CSNK1G1: variants seen among roughly 807,000 people sequenced by gnomAD.
CSNK1G1 encodes casein kinase 1 gamma 1, also known as casein kinase I isoform gamma-1.
A neutral mutation model predicts 59.6 loss-of-function variants in CSNK1G1; 22 were observed. The observed-to-expected ratio is 0.37, with a 90% CI of 0.26 to 0.53. The LOEUF (loss-of-function observed/expected upper bound fraction) is 0.53, where lower values mean the gene tolerates loss of function less well. Ranked by LOEUF, CSNK1G1 falls within the 20% of genes least tolerant of loss-of-function variation. CSNK1G1 has a pLI of 0.89. For synonymous variants in CSNK1G1, 179 were observed against 177.1 expected, an observed-to-expected ratio of 1.01 and a Z score of -0.08; for missense variants, 384 against 519.5, an observed-to-expected ratio of 0.74 and a Z score of 2.54.
intron 2 of CSNK1G1, among the ~76,000 whole-genome samples, chr15:64,285,500 T>G (rs1894359228): frequency 6.6e-6 from 1 of 152,110 alleles, no homozygotes; most frequent in African/African-American, 2.4e-5. Context: ...CTGAAGTACT[T>G]TATAAAATAA....
intron 1 of CSNK1G1, among the ~76,000 whole-genome samples, chr15:64,313,091 A>G (rs1486468889): frequency 6.6e-6 from 1 of 152,216 alleles, no homozygotes; most frequent in Non-Finnish European, 1.5e-5. Flanking sequence ...ATCATTAAAA[A>G]GTCAGGAAAC....
intron 2 of CSNK1G1, among the ~76,000 whole-genome samples, chr15:64,292,328 T>C (rs1375172653): frequency 2.6e-5 from 4 of 152,068 alleles, no homozygotes. Flanking sequence ...CAGAAATAAG[T>C]GTCTTACTTT....
At chr15:64,349,792 G>GATCTT (rs1898180906) in intron 1 of CSNK1G1, among the ~76,000 whole-genome samples, 4 of 151,828 alleles carry the variant, frequency 2.6e-5, no homozygotes, top group African/African-American at 9.7e-5. Context: ...GATCCAAAAT[G>GATCTT]AACCTAGCAT....
At chr15:64,259,445 A>G (rs1190564645) in intron 2 of CSNK1G1, among the ~76,000 whole-genome samples, 1 of 151,730 alleles carries the variant, frequency 6.6e-6, no homozygotes, top group Non-Finnish European at 1.5e-5. Flanking sequence ...TTTAAGCTAT[A>G]CCTGAGAATT....
chr15:64,262,566 G>A (rs968332229), intron 2 of CSNK1G1, among the ~76,000 whole-genome samples: 1 of 152,158 alleles, frequency 6.6e-6, no homozygotes, highest in Non-Finnish European at 1.5e-5. Flanking sequence ...CTAAGCTAAG[G>A]ACAGGTTATG....
Position 64,203,165 on chromosome 15 carries a change from C to G in CSNK1G1, c.1024G>C (p.Val342Leu), listed in dbSNP as rs376835504. ...PIPTPVGSVH[V>L]DSGASAITRE... ...GTTATTGCAGATGCACCAGAATCTA[C>G]GTGAACTGACCCTACTGGAGTAGGC... is the stretch of plus-strand genomic sequence containing the variant. Residue 342 changes from valine (V) to leucine (L), a missense_variant, in exon 10 of 12, where the codon GTA becomes CTA. Transcript: ENST00000303052. The G allele has an allele frequency of 1.2e-6, 2 of 1,613,906 alleles. No homozygotes were observed. The highest frequency in any genetic ancestry group is 1.7e-6 in the Non-Finnish European group (2 of 1,179,862).
Position 64,180,448 on chromosome 15 carries a change from T to C in CSNK1G1, c.1114A>G (p.Ser372Gly), listed in dbSNP as rs770783953. The change falls in exon 11 of 12, where the codon AGC becomes GGC. Residue 372 changes from serine (S) to glycine (G), a missense_variant. Physicochemically the swap from Ser to Gly is moderately conservative, Grantham distance 56. Around this residue, in one of 3 missense-constraint regions of CSNK1G1, gnomAD observed 325 missense variants for 440.9 expected, o/e 0.74. Transcript: ENST00000303052. ...ACATTCAGCTCTCCATTGGTTGAGC[T>C]AACCACCTGAAACAGAAAGACAGAA... is the stretch of plus-strand genomic sequence containing the variant. Reference protein sequence around the residue: ...QQQPLRNQVVSSTNGELNVDD... With the variant: ...QQQPLRNQVVGSTNGELNVDD... 2 of 1,613,442 alleles carry C rather than the reference T, an allele frequency of 1.2e-6. No individual in the cohort carries two copies. Among genetic ancestry groups the C allele is most frequent in the Non-Finnish European group, 1.7e-6 (2 of 1,179,352 alleles).
At chr15:64,243,752 C>A (rs1236953707) in intron 4 of CSNK1G1, among the ~76,000 whole-genome samples, 3 of 152,180 alleles carry the variant, frequency 2.0e-5, no homozygotes, top group African/African-American at 7.2e-5. Flanking sequence ...TGCCTGTAGT[C>A]CCATCTACTC....
chr15:64,320,797 T>C (rs1291755757), intron 1 of CSNK1G1, among the ~76,000 whole-genome samples: 1 of 152,146 alleles, frequency 6.6e-6, no homozygotes, highest in African/African-American at 2.4e-5. Flanking sequence ...TCCCAGTTTT[T>C]ATATGTTCGC....
At chr15:64,332,587 G>C (rs1897166326) in intron 1 of CSNK1G1, among the ~76,000 whole-genome samples, 1 of 148,122 alleles carries the variant, frequency 6.8e-6, no homozygotes, top group Non-Finnish European at 1.5e-5. Context: ...TGACGAGTTA[G>C]TGGGTGCAGC....
chr15:64,204,417 A>G, intron 9 of CSNK1G1, 24 bp downstream of exon 9: 1 of 1,442,944 alleles, frequency 6.9e-7, no homozygotes, highest in Non-Finnish European at 9.2e-7. Context: ...GAGGTTAAAA[A>G]AAAAAAAAAA....
At chr15:64,199,250 C>CAAAAAAAAAAAAAAAAAA (rs56819260) in intron 10 of CSNK1G1, among the ~76,000 whole-genome samples, 56 of 52,194 alleles carry the variant, frequency 1.1e-3, no homozygotes, top group African/African-American at 1.6e-3. Flanking sequence ...AATCTTTTCT[C>CAAAAAAAAAAAAAAAAAA]AAAAAAAAAA....
chr15:64,227,334 A>G (rs943804411), intron 4 of CSNK1G1, among the ~76,000 whole-genome samples: 2 of 152,230 alleles, frequency 1.3e-5, no homozygotes, highest in Non-Finnish European at 2.9e-5. Context: ...CAATATTTCT[A>G]CATTGACTTC....
At chr15:64,201,013 T>C (rs1361696781) in intron 10 of CSNK1G1, among the ~76,000 whole-genome samples, 1 of 152,140 alleles carries the variant, frequency 6.6e-6, no homozygotes, top group East Asian at 1.9e-4. Context: ...GGCTCACGCC[T>C]GTAATCCCAG....
At chr15:64,310,397 G>T (rs1421436748) in intron 1 of CSNK1G1, among the ~76,000 whole-genome samples, 1 of 151,544 alleles carries the variant, frequency 6.6e-6, no homozygotes, top group Non-Finnish European at 1.5e-5. Context: ...TGCAAGAAAA[G>T]AAGATTTAAA....
chr15:64,339,910 C>G (rs1897598587), intron 1 of CSNK1G1, among the ~76,000 whole-genome samples: 1 of 152,172 alleles, frequency 6.6e-6, no homozygotes, highest in African/African-American at 2.4e-5. Flanking sequence ...TGAAACTTGA[C>G]TATATGCTAT....
In CSNK1G1 at chr15:64,300,526, G is replaced by A; in HGVS notation, c.-27C>T. On this transcript the variant is annotated 5_prime_UTR_variant, in exon 2 of 12. Coordinates refer to ENST00000303052, the MANE Select transcript of CSNK1G1 (RefSeq NM_022048.5). ...ATCCTACAGGACAGAGTCTCCTATA[G>A]TACAGCAAGTAGCTTCAGTATGTAT... The A allele has an allele frequency of 1.3e-6, 2 of 1,598,626 alleles. No homozygotes were observed. Among genetic ancestry groups the A allele is most frequent in the Non-Finnish European group, 1.7e-6 (2 of 1,171,284 alleles).
chr15:64,225,878 C>T (rs530887251), intron 4 of CSNK1G1, among the ~76,000 whole-genome samples: 34 of 152,296 alleles, frequency 2.2e-4, no homozygotes, highest in Middle Eastern at 3.4e-3. Flanking sequence ...CCACCTGCCT[C>T]GGCCTCCCGA....
intron 1 of CSNK1G1, among the ~76,000 whole-genome samples, chr15:64,308,539 T>TCA (rs1309121431): frequency 6.6e-6 from 1 of 152,214 alleles, no homozygotes; most frequent in East Asian, 1.9e-4. Context: ...TATGATTTCA[T>TCA]CAACCTCTGA....
Sources: allele counts gnomAD v4.1 joint callset (sites outside exome capture counted in the v4.1 genomes callset), GRCh38; gene constraint gnomAD v4.1.1; regional missense constraint gnomAD v4.1.1; transcripts MANE v1.5; gene names NCBI Gene and HGNC (gene_info 2026-07-23, HGNC 2026-07-21).